Variants in MYZAP observed in about 807,000 individuals in gnomAD.
MYZAP encodes the protein myocardial zonula adherens protein.
Under a neutral mutation model 69.4 loss-of-function variants are expected in MYZAP, and 66 were observed. The ratio of observed to expected loss-of-function variants is 0.95; its 90% CI spans 0.78 to 1.17. MYZAP has a LOEUF of 1.17. Among genes scored for constraint, MYZAP ranks in the 50% most tolerant of loss-of-function variants. The pLI, the probability that MYZAP is intolerant of heterozygous loss-of-function variation, is 0.00. For synonymous variants in MYZAP, 256 were observed against 205.9 expected (o/e 1.24, Z -2.09); for missense variants, 611 against 556.2 (o/e 1.10, Z -0.99).
At chr15:57,608,857 T>C (rs1595860890) in intron 2 of MYZAP, among the ~76,000 whole-genome samples, 1 of 152,232 alleles carries the variant, frequency 6.6e-6, no homozygotes, top group African/African-American at 2.4e-5. Flanking sequence ...TAACCCTTGC[T>C]GAGGCCCTAG....
chr15:57,625,357 C>T lies in MYZAP; in HGVS notation c.412-422C>T, dbSNP rs534007920. On this transcript the variant is annotated intron_variant, in intron 4 of 12. Transcript: ENST00000267853. ...CCACAGTGCTGGGATTACAAAAACA[C>T]TCTTGAGAATTGAGTGAGACCAAAG... is the stretch of plus-strand genomic sequence containing the variant. Among the ~76,000 whole-genome samples the T allele has an allele frequency of 9.2e-4, 140 of 152,266 alleles. 1 individual carries two copies. Among genetic ancestry groups the T allele is most frequent in the Admixed American group, 3.3e-3 (50 of 15,296 alleles).
intron 1 of MYZAP, among the ~76,000 whole-genome samples, chr15:57,601,452 C>T (rs1160393412): frequency 6.6e-6 from 1 of 152,062 alleles, no homozygotes; most frequent in Non-Finnish European, 1.5e-5. Context: ...AGACTGGTTT[C>T]AACCAGTCTG....
chr15:57,639,214 ATT>A (rs5812905), intron 9 of MYZAP, among the ~76,000 whole-genome samples: 3 of 145,452 alleles, frequency 2.1e-5, no homozygotes, highest in Non-Finnish European at 3.0e-5. Context: ...TTATTTATTT[ATT>A]TTTTTTTTTT....
chr15:57,615,333 C>G (rs779765965), intron 2 of MYZAP, among the ~76,000 whole-genome samples: 3 of 152,204 alleles, frequency 2.0e-5, no homozygotes, highest in Non-Finnish European at 4.4e-5. Context: ...TGATTTTTCA[C>G]TCAGTGTATC....
At chr15:57,655,527 C>T (rs1389292921) in intron 10 of MYZAP, among the ~76,000 whole-genome samples, 2 of 151,882 alleles carry the variant, frequency 1.3e-5, no homozygotes, top group African/African-American at 2.4e-5. Context: ...GGGTTTCCAG[C>T]GTGTGGCTAT....
chr15:57,594,613 G>A (rs1406525165), intron 1 of MYZAP, among the ~76,000 whole-genome samples: 1 of 152,102 alleles, frequency 6.6e-6, no homozygotes, highest in African/African-American at 2.4e-5. Context: ...ATCTCATATC[G>A]CCTAGGTGTG....
intron 10 of MYZAP, among the ~76,000 whole-genome samples, chr15:57,641,895 C>T (rs1279506112): frequency 6.6e-6 from 1 of 152,114 alleles, no homozygotes; most frequent in Non-Finnish European, 1.5e-5. Context: ...GAGTTGAGAA[C>T]CTGAGTAATT....
In MYZAP at chr15:57,646,064, C is replaced by G. The variant is rs927047613; in HGVS notation, c.1119+6519C>G. Reference sequence around the variant, plus strand: ...GTACTTCTCATAATTGGTAATTAGCCAAATGGGGGTAGGGGAAAGGAGCCA... The same window carrying G: ...GTACTTCTCATAATTGGTAATTAGCGAAATGGGGGTAGGGGAAAGGAGCCA... On this transcript the variant is annotated intron_variant, in intron 10 of 12. Transcript: ENST00000267853. 9 of 939,218 alleles carry G rather than the reference C, an allele frequency of 9.6e-6. No individual in the cohort carries two copies. In the African/African-American group the frequency reaches 1.4e-4, roughly 14 times the overall value. 58.2% of individuals were successfully genotyped at this position (939,218 alleles called of 1,614,324 possible).
At chr15:57,610,955 G>T (rs904663845) in intron 2 of MYZAP, among the ~76,000 whole-genome samples, 1 of 152,278 alleles carries the variant, frequency 6.6e-6, no homozygotes, top group Non-Finnish European at 1.5e-5. Context: ...TTTGACAACT[G>T]TAATGAGAAC....
chr15:57,666,520 C>A (rs2038577638), intron 11 of MYZAP, among the ~76,000 whole-genome samples: 1 of 152,176 alleles, frequency 6.6e-6, no homozygotes, highest in South Asian at 2.1e-4. Flanking sequence ...AATGACACAG[C>A]AGACTCCTAA....
chr15:57,592,955 A>T (rs1310743981), intron 1 of MYZAP, among the ~76,000 whole-genome samples: 2 of 152,102 alleles, frequency 1.3e-5, no homozygotes, highest in Admixed American at 6.5e-5. Context: ...TTTCCTCAAG[A>T]TTTAAACAGG....
intron 10 of MYZAP, among the ~76,000 whole-genome samples, chr15:57,656,574 A>T (rs543481320): frequency 6.6e-6 from 1 of 152,198 alleles, no homozygotes; most frequent in Non-Finnish European, 1.5e-5. Context: ...ACCCAGGAGC[A>T]TGTGAGTCTA....
chr15:57,680,983 T>C (rs1389699456), intron 12 of MYZAP, among the ~76,000 whole-genome samples: 3 of 152,258 alleles, frequency 2.0e-5, no homozygotes, highest in Admixed American at 6.5e-5. Flanking sequence ...AGTTTTGTGG[T>C]TGAGGTTATT....
chr15:57,630,768 A>G (rs2036454442), intron 6 of MYZAP, among the ~76,000 whole-genome samples: 1 of 152,196 alleles, frequency 6.6e-6, no homozygotes, highest in African/African-American at 2.4e-5. Context: ...ATTCCTTTTT[A>G]TGTAAGTCTG....
intron 8 of MYZAP, among the ~76,000 whole-genome samples, chr15:57,635,183 C>G (rs2036742378): frequency 6.6e-6 from 1 of 152,166 alleles, no homozygotes. Context: ...TTGGTTTTTC[C>G]TAACTCAGTC....
chr15:57,646,120 A>T, intron 10 of MYZAP: 1 of 1,288,010 alleles, frequency 7.8e-7, no homozygotes, highest in Non-Finnish European at 1.0e-6. Flanking sequence ...TAATCCACTC[A>T]ATTGAACTGT....
intron 10 of MYZAP, among the ~76,000 whole-genome samples, chr15:57,643,976 G>T (rs2037309151): frequency 2.0e-5 from 3 of 152,160 alleles, no homozygotes; most frequent in Admixed American, 2.0e-4. Context: ...TAAGTGCAAA[G>T]GTGCAAGGAA....
In MYZAP at chr15:57,639,540, G is replaced by A. The variant is rs1360508274; in HGVS notation, c.1114G>A (p.Glu372Lys). The A allele has an allele frequency of 6.2e-6, 10 of 1,613,314 alleles. No homozygotes were observed. Among genetic ancestry groups the A allele is most frequent in the African/African-American group, 2.7e-5 (2 of 74,912 alleles). Residue 372 changes from glutamate to lysine, a missense_variant, in exon 10 of 13, where the codon GAG becomes AAG. Glu to Lys is a moderately conservative substitution (Grantham distance 56). Coordinates refer to ENST00000267853, the MANE Select transcript of MYZAP (RefSeq NM_001018100.5). ...GCAGAAGAAAGTCAAGCAGATGGTC[G>A]AGGAGGTAAGCATCTGCAAAAGGTC... ...CQQKKVKQMV[E>K]EIESLKKKLQ...
chr15:57,641,788 T>C (rs1216969892), intron 10 of MYZAP, among the ~76,000 whole-genome samples: 2 of 152,262 alleles, frequency 1.3e-5, no homozygotes, highest in African/African-American at 4.8e-5. Flanking sequence ...TCATTTGCTA[T>C]AGCCATTTAT....
Sources: allele counts gnomAD v4.1 joint callset (sites outside exome capture counted in the v4.1 genomes callset), GRCh38; gene constraint gnomAD v4.1.1; transcripts MANE v1.5; gene names NCBI Gene and HGNC (gene_info 2026-07-23, HGNC 2026-07-21).